GRID2: variants seen among roughly 807,000 people sequenced by gnomAD.
GRID2 encodes the protein glutamate receptor ionotropic, delta-2.
A neutral mutation model predicts 114.8 loss-of-function variants in GRID2; 33 were observed. The ratio of observed to expected loss-of-function variants is 0.29; its 90% CI spans 0.22 to 0.38. The LOEUF (loss-of-function observed/expected upper bound fraction) is 0.38, where lower values mean the gene tolerates loss of function less well. GRID2 is among the 10% of genes least tolerant of loss of function. The pLI, the probability that GRID2 is intolerant of heterozygous loss-of-function variation, is 1.00. For missense variants in GRID2, 1,184 were observed against 1,257.7 expected (o/e 0.94, Z 0.89); for synonymous variants, 505 against 449.9 (o/e 1.12, Z -1.55).
At chr4:93,183,502 T>C (rs891729856) in intron 4 of GRID2, among the ~76,000 whole-genome samples, 3 of 152,202 alleles carry the variant, frequency 2.0e-5, no homozygotes, top group Middle Eastern at 3.2e-3. Flanking sequence ...CAGCACTCAA[T>C]AGAGGGTCCA....
intron 2 of GRID2, among the ~76,000 whole-genome samples, chr4:93,012,706 C>G (rs1172536536): frequency 6.6e-6 from 1 of 151,898 alleles, no homozygotes; most frequent in Non-Finnish European, 1.5e-5. Flanking sequence ...AAAATCTCTA[C>G]AAGTTATGCA....
At chr4:92,994,569 C>G (rs1389984579) in intron 2 of GRID2, among the ~76,000 whole-genome samples, 2 of 152,078 alleles carry the variant, frequency 1.3e-5, no homozygotes, top group African/African-American at 4.8e-5. Context: ...AGTGATCTGC[C>G]TGCCTCGGCC....
chr4:92,449,689 A>C lies in GRID2; in HGVS notation c.89-140442A>C, dbSNP rs1006802594. ...TCTTTTCTTACTGATATATATATAT[A>C]TATATATATATATATATATATAACA... On this transcript the variant is annotated intron_variant, in intron 1 of 15. Transcript: ENST00000282020. 2.2e-5 allele frequency among the ~76,000 whole-genome samples: 3 copies of C among 139,114 alleles called. No individual in the cohort carries two copies. In the South Asian group the frequency reaches 6.6e-4, roughly 31 times the overall value. 91.3% of individuals were successfully genotyped at this position (139,114 alleles called of 152,430 possible).
At chr4:92,846,580 T>TTGGTTTAGATTCCTACATTCTTGGAC (rs2149416850) in intron 2 of GRID2, among the ~76,000 whole-genome samples, 1 of 152,190 alleles carries the variant, frequency 6.6e-6, no homozygotes, top group Non-Finnish European at 1.5e-5. Flanking sequence ...GTCTTCCCCT[T>TTGGTTTAGATTCCTACATTCTTGGAC]TGGTTTAGAT....
chr4:93,755,601 CCTA>C (rs762339963), intron 14 of GRID2, among the ~76,000 whole-genome samples: 53 of 152,214 alleles, frequency 3.5e-4, no homozygotes, highest in African/African-American at 1.0e-3. Flanking sequence ...AATCCTTATT[CCTA>C]CTAAGGAAAT....
chr4:93,385,331 G>A (rs577010558), intron 8 of GRID2, among the ~76,000 whole-genome samples: 1 of 152,196 alleles, frequency 6.6e-6, no homozygotes, highest in Non-Finnish European at 1.5e-5. Context: ...GACTCTTGGT[G>A]TGAACCCAAT....
At chr4:93,542,387 A>G (rs1334911067) in intron 13 of GRID2, among the ~76,000 whole-genome samples, 1 of 152,196 alleles carries the variant, frequency 6.6e-6, no homozygotes, top group Non-Finnish European at 1.5e-5. Context: ...TTCTACTGAA[A>G]GAGAAAATGT....
chr4:93,132,809 C>CG (rs1734921666), intron 4 of GRID2, among the ~76,000 whole-genome samples: 1 of 152,060 alleles, frequency 6.6e-6, no homozygotes, highest in Non-Finnish European at 1.5e-5. Flanking sequence ...CGATGTGCTT[C>CG]GAAATAGCTC....
intron 5 of GRID2, among the ~76,000 whole-genome samples, chr4:93,214,525 C>A (rs893901596): frequency 2.6e-5 from 4 of 152,010 alleles, no homozygotes; most frequent in African/African-American, 9.7e-5. Flanking sequence ...ACTAAAATTG[C>A]AAGTGAATTT....
intron 10 of GRID2, among the ~76,000 whole-genome samples, chr4:93,455,044 A>G (rs1017447691): frequency 2.0e-5 from 3 of 152,124 alleles, no homozygotes; most frequent in Non-Finnish European, 4.4e-5. Context: ...TCCAAGAAGA[A>G]TTCTCTTTCC....
At chr4:93,808,179 G>A (rs936840223) in exon 2 of GRID2, 2 of 152,082 alleles carry the variant, frequency 1.3e-5, no homozygotes, top group African/African-American at 2.4e-5. Flanking sequence ...TCTTCATTAT[G>A]TCATCAAACT....
intron 1 of GRID2, among the ~76,000 whole-genome samples, chr4:92,342,377 CTA>C (rs1425851401): frequency 2.0e-5 from 3 of 152,080 alleles, no homozygotes; most frequent in Non-Finnish European, 2.9e-5. Context: ...AATAGTGAAA[CTA>C]TGAATTAAGA....
intron 2 of GRID2, among the ~76,000 whole-genome samples, chr4:92,792,263 TAATAA>T (rs1254246359): frequency 1.3e-5 from 2 of 151,818 alleles, no homozygotes; most frequent in Non-Finnish European, 2.9e-5. Flanking sequence ...TCAAGCATGG[TAATAA>T]AATCACTCAT....
intron 1 of GRID2, among the ~76,000 whole-genome samples, chr4:92,316,719 AT>A (rs1401200014): frequency 6.6e-6 from 1 of 151,918 alleles, no homozygotes; most frequent in African/African-American, 2.4e-5. Context: ...GGCACTGGAG[AT>A]TGTGATAATT....
intron 2 of GRID2, among the ~76,000 whole-genome samples, chr4:92,796,057 T>C (rs1739852235): frequency 6.6e-6 from 1 of 151,960 alleles, no homozygotes; most frequent in Non-Finnish European, 1.5e-5. Flanking sequence ...AATTATGGAT[T>C]TTTTTATAAT....
At chr4:93,594,944 C>G in intron 13 of GRID2, among the ~76,000 whole-genome samples, 1 of 152,198 alleles carries the variant, frequency 6.6e-6, no homozygotes, top group Non-Finnish European at 1.5e-5. Flanking sequence ...CTGACCTGCA[C>G]CCACTGTCTG....
intron 1 of GRID2, among the ~76,000 whole-genome samples, chr4:92,481,884 C>T (rs937323530): frequency 4.0e-5 from 6 of 150,012 alleles, no homozygotes; most frequent in Non-Finnish European, 8.9e-5. Flanking sequence ...GCTGAAAAGA[C>T]ACATGCATTT....
At chr4:92,857,766 G>A (rs1168060067) in intron 2 of GRID2, among the ~76,000 whole-genome samples, 2 of 152,198 alleles carry the variant, frequency 1.3e-5, no homozygotes, top group Non-Finnish European at 2.9e-5. Context: ...GATTTCCAAT[G>A]TAGATAGGAC....
chr4:92,689,647 GTT>G (rs1488867179), intron 2 of GRID2, among the ~76,000 whole-genome samples: 2 of 152,204 alleles, frequency 1.3e-5, no homozygotes, highest in Non-Finnish European at 2.9e-5. Context: ...AGGTAAAACA[GTT>G]TCATTTCGAA....
Sources: allele counts gnomAD v4.1 joint callset (sites outside exome capture counted in the v4.1 genomes callset), GRCh38; gene constraint gnomAD v4.1.1; transcripts MANE v1.5; gene names NCBI Gene and HGNC (gene_info 2026-07-23, HGNC 2026-07-21).